The following GPR158 variants were observed in gnomAD, a reference collection of about 807,000 sequenced individuals.
GPR158 encodes metabotropic glycine receptor.
GPR158 carries 30 observed loss-of-function variants against 78.2 expected under a neutral mutation model. That is an observed-to-expected ratio of 0.38 (90% CI 0.29 to 0.52). GPR158 has a LOEUF of 0.52. Among genes scored for constraint, GPR158 ranks in the 20% least tolerant of loss-of-function variants. GPR158 has a pLI of 0.83. For missense variants in GPR158, 1,463 were observed against 1,523.5 expected (o/e 0.96, Z 0.66); for synonymous variants, 581 against 591.1 (o/e 0.98, Z 0.25).
intron 4 of GPR158, among the ~76,000 whole-genome samples, chr10:25,435,294 A>T (rs1255008608): frequency 6.6e-6 from 1 of 152,206 alleles, no homozygotes; most frequent in Non-Finnish European, 1.5e-5. Flanking sequence ...GAAGGAAAGT[A>T]ACAAAGTGAG....
intron 2 of GPR158, among the ~76,000 whole-genome samples, chr10:25,233,255 A>G (rs1288487670): frequency 2.0e-5 from 3 of 152,206 alleles, no homozygotes; most frequent in African/African-American, 4.8e-5. Context: ...AGTGCTTTCT[A>G]TTATCTTACC....
chr10:25,368,020 T>C (rs528534643), intron 2 of GPR158, among the ~76,000 whole-genome samples: 1 of 151,990 alleles, frequency 6.6e-6, no homozygotes, highest in East Asian at 1.9e-4. Context: ...ATTAATATTT[T>C]TGAGAATAGC....
Position 25,517,841 on chromosome 10 carries a change from G to A in GPR158, c.1405-33135G>A, listed in dbSNP as rs1458734643. ...TATTGGTCTAAAATTCTCTTTTTTG[G>A]TTGTGTCTCTGCCTGGCTTTGGTAT... On this transcript the variant is annotated intron_variant, in intron 5 of 10. Coordinates refer to ENST00000376351, the MANE Select transcript of GPR158 (RefSeq NM_020752.3). Among the ~76,000 whole-genome samples, 4 of 148,212 alleles carry A rather than the reference G, an allele frequency of 2.7e-5. No individual in the cohort carries two copies. In the East Asian group the frequency reaches 5.9e-4, roughly 22 times the overall value.
chr10:25,282,850 TC>T (rs1392103461), intron 2 of GPR158, among the ~76,000 whole-genome samples: 1 of 152,160 alleles, frequency 6.6e-6, no homozygotes, highest in African/African-American at 2.4e-5. Context: ...TTATCTGAGT[TC>T]TTTGTATATG....
Position 25,175,794 on chromosome 10 carries a change from C to G in GPR158, c.374C>G (p.Ala125Gly), listed in dbSNP as rs1163504388. The change falls in exon 1 of 11, where the codon GCG (alanine) becomes GGG (glycine). Residue 125 changes from alanine to glycine, a missense_variant. By Grantham distance (60) the Ala-to-Gly change is moderately conservative. Coordinates refer to ENST00000376351, the MANE Select transcript of GPR158 (RefSeq NM_020752.3). The surrounding 1 kb of genome is among the most constrained non-coding windows in gnomAD (Gnocchi z 6.4). ...LASAHPSLHR[A>G]LDTLTHATNF... ...AGCGCGCACCCCTCCTTGCACCGGG[C>G]GCTGGACACACTGACACACGCCACC... 6.2e-7 allele frequency: 1 copy of G among 1,611,496 alleles called. No homozygotes were observed. The highest frequency in any genetic ancestry group is 8.5e-7 in the Non-Finnish European group (1 of 1,179,976).
chr10:25,333,197 C>G lies in GPR158; in HGVS notation c.1009-62714C>G, dbSNP rs544696936. On this transcript the variant is annotated intron_variant, in intron 2 of 10. Coordinates refer to ENST00000376351, the MANE Select transcript of GPR158 (RefSeq NM_020752.3). The stretch of plus-strand genomic sequence containing the variant: ...TGACTTTTTCATTTCCTGGAATTCT[C>G]CTAACAACAAAACAAGAGGCTTAGT... Among the ~76,000 whole-genome samples, 8 of 152,192 alleles carry G rather than the reference C, an allele frequency of 5.3e-5. No homozygotes were observed. The East Asian group carries it at 1.5e-3, about 29-fold the overall frequency.
chr10:25,478,020 A>G (rs114627687), intron 5 of GPR158, among the ~76,000 whole-genome samples: 231 of 152,256 alleles, frequency 1.5e-3, no homozygotes, highest in African/African-American at 5.4e-3. Flanking sequence ...TCTGTACTCA[A>G]CCCATCAGAG....
At chr10:25,517,879 G>T (rs1413859509) in intron 5 of GPR158, among the ~76,000 whole-genome samples, 1 of 141,316 alleles carries the variant, frequency 7.1e-6, no homozygotes, top group Non-Finnish European at 1.5e-5. Flanking sequence ...GAATGATGCT[G>T]GCCTCATAAA....
At chr10:25,521,434 AC>A (rs943885961) in intron 5 of GPR158, among the ~76,000 whole-genome samples, 3 of 152,010 alleles carry the variant, frequency 2.0e-5, no homozygotes, top group Non-Finnish European at 2.9e-5. Flanking sequence ...TTCCTTCCTA[AC>A]TTGCATCATA....
In GPR158 at chr10:25,598,154, C is replaced by A. The variant is rs933256350; in HGVS notation, c.2528C>A (p.Thr843Lys). 2 of 1,613,974 alleles carry A rather than the reference C, an allele frequency of 1.2e-6. No individual in the cohort carries two copies. Among genetic ancestry groups the A allele is most frequent in the Non-Finnish European group, 1.7e-6 (2 of 1,180,020 alleles). Reference sequence around the variant, plus strand: ...CCCACAGAAAGCCAAGAGGAGGAGACAACAGAAAATTCCACACTGGAATCC... The same window carrying A: ...CCCACAGAAAGCCAAGAGGAGGAGAAAACAGAAAATTCCACACTGGAATCC... ...SLPTESQEEE[T>K]TENSTLESLS... The change falls in exon 11 of 11, where the codon ACA becomes AAA. Residue 843 changes from threonine to lysine, a missense_variant. Physicochemically the swap from Thr to Lys is moderately conservative, Grantham distance 78 (BLOSUM62 -1). Transcript: ENST00000376351.
intron 4 of GPR158, among the ~76,000 whole-genome samples, chr10:25,420,277 G>A (rs1453861185): frequency 3.3e-5 from 5 of 152,032 alleles, no homozygotes; most frequent in Non-Finnish European, 5.9e-5. Context: ...AGCTTTCTGA[G>A]GAGCTAGGAC....
At chr10:25,574,883 T>C (rs1303316888) in intron 7 of GPR158, among the ~76,000 whole-genome samples, 1 of 151,762 alleles carries the variant, frequency 6.6e-6, no homozygotes, top group Non-Finnish European at 1.5e-5. Flanking sequence ...AGACTTTGTC[T>C]CAAAGAAATA....
chr10:25,396,632 C>CAAT (rs200198770), intron 3 of GPR158, among the ~76,000 whole-genome samples: 5 of 151,572 alleles, frequency 3.3e-5, no homozygotes, highest in African/African-American at 4.8e-5. Flanking sequence ...GACCTTGTCT[C>CAAT]AATAATAATA....
intron 2 of GPR158, among the ~76,000 whole-genome samples, chr10:25,309,543 T>C (rs140418896): frequency 0.016 from 2,464 of 152,296 alleles, 31 homozygotes; most frequent in Non-Finnish European, 0.025. Flanking sequence ...GCTTTTAATT[T>C]TTATAAAGTT....
chr10:25,491,350 C>T (rs1588885694), intron 5 of GPR158, among the ~76,000 whole-genome samples: 1 of 152,228 alleles, frequency 6.6e-6, no homozygotes, highest in Admixed American at 6.5e-5. Flanking sequence ...TATATTTCTC[C>T]TCCTCTGCTA....
chr10:25,474,541 A>C (rs1305662362), intron 5 of GPR158, among the ~76,000 whole-genome samples: 1 of 152,128 alleles, frequency 6.6e-6, no homozygotes, highest in Non-Finnish European at 1.5e-5. Context: ...TCCTTGCAAT[A>C]ACTTCTCATG....
At chr10:25,526,103 TAAAAAAA>T (rs4017850) in intron 5 of GPR158, among the ~76,000 whole-genome samples, 26 of 69,174 alleles carry the variant, frequency 3.8e-4, no homozygotes, top group African/African-American at 9.7e-4. Flanking sequence ...CAATTTTGTC[TAAAAAAA>T]AAAAAAAAAA....
At chr10:25,322,576 T>C (rs1169301635) in intron 2 of GPR158, among the ~76,000 whole-genome samples, 2 of 152,166 alleles carry the variant, frequency 1.3e-5, no homozygotes, top group Admixed American at 6.5e-5. Context: ...GCATTTAGAA[T>C]GGTGAATCCT....
intron 5 of GPR158, among the ~76,000 whole-genome samples, chr10:25,547,731 C>T (rs903259760): frequency 6.6e-6 from 1 of 152,174 alleles, no homozygotes; most frequent in African/African-American, 2.4e-5. Context: ...GGATTCAGAT[C>T]CTGGCTCTGA....
Sources: gnomAD v4.1 joint callset for allele counts (sites outside exome capture counted in the v4.1 genomes callset) on GRCh38, gnomAD v4.1.1 for gene constraint, Gnocchi (gnomAD v3.1) non-coding constraint, MANE v1.5 for transcripts, NCBI Gene and HGNC (gene_info 2026-07-23, HGNC 2026-07-21) for gene names.